KCNH1: variants seen among roughly 807,000 people sequenced by gnomAD.
The protein encoded by KCNH1 is potassium voltage-gated channel subfamily H member 1, also known as voltage-gated delayed rectifier potassium channel KCNH1.
KCNH1 carries 27 observed loss-of-function variants against 69.2 expected under a neutral mutation model. That is an observed-to-expected ratio of 0.39 (90% CI 0.29 to 0.54). The LOEUF (loss-of-function observed/expected upper bound fraction) is 0.54, where lower values mean the gene tolerates loss of function less well. Ranked by LOEUF, KCNH1 falls within the 20% of genes least tolerant of loss-of-function variation. The pLI, the probability that KCNH1 is intolerant of heterozygous loss-of-function variation, is 0.68. For missense variants in KCNH1, 798 were observed against 1,261.6 expected (o/e 0.63, Z 5.57); for synonymous variants, 456 against 487.7 (o/e 0.93, Z 0.86).
At chr1:210,998,099 A>C (rs1486734374) in intron 6 of KCNH1, among the ~76,000 whole-genome samples, 1 of 152,242 alleles carries the variant, frequency 6.6e-6, no homozygotes, top group African/African-American at 2.4e-5. Context: ...AAGAAACTGC[A>C]TCAACTAATG....
chr1:210,985,814 C>T (rs1444909774), intron 6 of KCNH1, among the ~76,000 whole-genome samples: 2 of 152,160 alleles, frequency 1.3e-5, no homozygotes, highest in Admixed American at 6.5e-5. Flanking sequence ...TGGTCCAGAG[C>T]TGAGTTCAAT....
rs199725790 is a variant in KCNH1 at position 211,007,745 on chromosome 1, G to C, written c.1032+11038C>G. Among the ~76,000 whole-genome samples, 12 of 152,226 alleles carry C rather than the reference G, an allele frequency of 7.9e-5. No individual in the cohort carries two copies. In the East Asian group the frequency reaches 2.1e-3, roughly 27 times the overall value. On this transcript the variant is annotated intron_variant, in intron 6 of 10. Coordinates refer to ENST00000271751, the MANE Select transcript of KCNH1 (RefSeq NM_172362.3). ...CTTCCAGTGTCATTTTCCTACCTCT[G>C]AGAATGTGCCATTGCCTACATTTAG...
chr1:210,795,885 G>A (rs906333115), intron 9 of KCNH1, among the ~76,000 whole-genome samples: 1 of 151,920 alleles, frequency 6.6e-6, no homozygotes, highest in African/African-American at 2.4e-5. Flanking sequence ...CACTTTGAGA[G>A]GCCAAGGCGG....
chr1:210,788,687 T>C (rs1684153157), intron 9 of KCNH1, among the ~76,000 whole-genome samples: 2 of 9,300 alleles, frequency 2.2e-4, no homozygotes, highest in Non-Finnish European at 6.2e-4. Context: ...GCTTCTTTCT[T>C]TTTTTTTTTT....
intron 6 of KCNH1, among the ~76,000 whole-genome samples, chr1:210,969,603 T>C (rs898582102): frequency 3.3e-5 from 5 of 152,090 alleles, no homozygotes; most frequent in African/African-American, 4.8e-5. Context: ...TAAAACTCTA[T>C]TATATTTGTA....
intron 6 of KCNH1, among the ~76,000 whole-genome samples, chr1:211,016,434 G>A (rs79366677): frequency 0.059 from 8,911 of 152,048 alleles, 331 homozygotes; most frequent in East Asian, 0.18. Flanking sequence ...ATAGAAAATC[G>A]TTTATTTTAA....
At chr1:210,998,183 G>A (rs966626613) in intron 6 of KCNH1, among the ~76,000 whole-genome samples, 2 of 152,264 alleles carry the variant, frequency 1.3e-5, no homozygotes, top group East Asian at 1.9e-4. Context: ...AATGTAAATG[G>A]GCTAAATGCT....
At chr1:211,022,123 C>A (rs143852664) in intron 5 of KCNH1, among the ~76,000 whole-genome samples, 1,833 of 152,168 alleles carry the variant, frequency 0.012, 15 homozygotes, top group Middle Eastern at 0.034. Context: ...TGCATAAAAA[C>A]AGACACATAG....
At chr1:210,899,892 G>A (rs1462680561) in intron 7 of KCNH1, among the ~76,000 whole-genome samples, 1 of 152,150 alleles carries the variant, frequency 6.6e-6, no homozygotes, top group Non-Finnish European at 1.5e-5. Context: ...TCATTATCTA[G>A]TTCTCCAAAA....
intron 9 of KCNH1, among the ~76,000 whole-genome samples, chr1:210,788,148 T>C (rs537086050): frequency 6.6e-6 from 1 of 152,360 alleles, no homozygotes; most frequent in South Asian, 2.1e-4. Flanking sequence ...TGATTATTTA[T>C]AAAAGAATAT....
At chr1:210,995,194 C>A (rs938608819) in intron 6 of KCNH1, among the ~76,000 whole-genome samples, 3 of 152,104 alleles carry the variant, frequency 2.0e-5, no homozygotes, top group African/African-American at 7.2e-5. Context: ...GGACAGGCTT[C>A]CAAAAAATCT....
rs370844298 is a variant in KCNH1 at position 210,919,896 on chromosome 1, G to C, written c.1206C>G (p.Asp402Glu). The C allele has an allele frequency of 6.2e-7, 1 of 1,614,048 alleles. No homozygotes were observed. Among genetic ancestry groups the C allele is most frequent in the African/African-American group, 1.3e-5 (1 of 74,912 alleles). Reference sequence around the variant, plus strand: ...TGGTGTCCTCGTCAAAGATCTCATAGTCCCCAATGCTGTACCAGATGCAGG... The same window carrying C: ...TGGTGTCCTCGTCAAAGATCTCATACTCCCCAATGCTGTACCAGATGCAGG... The part of the protein sequence containing the change: ...WMACIWYSIG[D>E]YEIFDEDTKT... Residue 402 changes from aspartate to glutamate, a missense_variant, in exon 7 of 11, where the codon GAC becomes GAG. Coordinates refer to ENST00000271751, the MANE Select transcript of KCNH1 (RefSeq NM_172362.3). The surrounding 1 kb of genome is among the most constrained non-coding windows in gnomAD (Gnocchi z 4.2).
intron 10 of KCNH1, among the ~76,000 whole-genome samples, chr1:210,732,471 A>G (rs1340294355): frequency 6.6e-6 from 1 of 152,060 alleles, no homozygotes; most frequent in East Asian, 1.9e-4. Context: ...GCTTTGCCCA[A>G]TTTCACAAGC....
rs1370729737 is a variant in KCNH1, at chr1:210,678,339, TAATA to T, written c.*4938_*4941del. On this transcript the variant is annotated 3_prime_UTR_variant, in exon 11 of 11. Coordinates refer to ENST00000271751, the MANE Select transcript of KCNH1 (RefSeq NM_172362.3). ...TCATGTATAAAATAGTTTATTACCA[TAATA>T]AATAAAACTTTTTTTTTTTACAAAT... 1 of 149,170 alleles carries T rather than the reference TAATA, an allele frequency of 6.7e-6. No individual in the cohort carries two copies. The highest frequency in any genetic ancestry group is 2.0e-4 in the East Asian group (1 of 5,026). 9.2% of individuals were successfully genotyped at this position (149,170 alleles called of 1,614,324 possible). A position where few individuals can be genotyped will look rare whatever the true frequency, so the allele number is the denominator to read the frequency against.
intron 6 of KCNH1, among the ~76,000 whole-genome samples, chr1:211,005,602 A>C (rs1689267101): frequency 6.6e-6 from 1 of 152,300 alleles, no homozygotes; most frequent in South Asian, 2.1e-4. Flanking sequence ...CATACACGAT[A>C]ATCAGTCTAA....
rs1191950529 is a variant in KCNH1 at position 210,919,324 on chromosome 1, T to TA, written c.1462+315dup. 8 of 231,864 alleles carry TA rather than the reference T, an allele frequency of 3.5e-5. No homozygotes were observed. Among genetic ancestry groups the TA allele is most frequent in the Middle Eastern group, 1.4e-3 (1 of 696 alleles). 14.4% of individuals were successfully genotyped at this position (231,864 alleles called of 1,614,324 possible). A position where few individuals can be genotyped will look rare whatever the true frequency, so the allele number is the denominator to read the frequency against. On this transcript the variant is annotated intron_variant, in intron 7 of 10. Coordinates refer to ENST00000271751, the MANE Select transcript of KCNH1 (RefSeq NM_172362.3). The surrounding 1 kb of genome is among the most constrained non-coding windows in gnomAD (Gnocchi z 4.2). ...GCAGCAAGATCTCATTTTAAGTTTA[T>TA]AAAAATCTATATGTATTCAGATATG...
chr1:210,764,993 G>T (rs1428824434), intron 10 of KCNH1, among the ~76,000 whole-genome samples: 1 of 151,990 alleles, frequency 6.6e-6, no homozygotes, highest in Non-Finnish European at 1.5e-5. Context: ...GATAAACTAT[G>T]GTACATATAC....
chr1:210,688,379 A>AT (rs773990410), intron 10 of KCNH1, among the ~76,000 whole-genome samples: 40 of 152,302 alleles, frequency 2.6e-4, no homozygotes, highest in Non-Finnish European at 4.7e-4. Context: ...TTGCAGATGC[A>AT]TTACCCCCTG....
chr1:210,808,836 T>A (rs1684639933), intron 7 of KCNH1, among the ~76,000 whole-genome samples: 1 of 152,176 alleles, frequency 6.6e-6, no homozygotes, highest in Admixed American at 6.5e-5. Context: ...AGTTGTCACC[T>A]GAATAGATAT....
Sources: gnomAD v4.1 joint callset for allele counts (sites outside exome capture counted in the v4.1 genomes callset) on GRCh38, gnomAD v4.1.1 for gene constraint, Gnocchi (gnomAD v3.1) non-coding constraint, MANE v1.5 for transcripts, NCBI Gene and HGNC (gene_info 2026-07-23, HGNC 2026-07-21) for gene names.